SPOCK3: variants seen among roughly 807,000 people sequenced by gnomAD.
The protein encoded by SPOCK3 is SPARC (osteonectin), cwcv and kazal like domains proteoglycan 3, also known as testican-3.
Under a neutral mutation model 56.6 loss-of-function variants are expected in SPOCK3, and 30 were observed. That is an observed-to-expected ratio of 0.53 (90% CI 0.40 to 0.72). The LOEUF (loss-of-function observed/expected upper bound fraction) is 0.72, where lower values mean the gene tolerates loss of function less well. Among genes scored for constraint, SPOCK3 ranks in the 30% least tolerant of loss-of-function variants. SPOCK3 has a pLI of 0.00. For synonymous variants in SPOCK3, 196 were observed against 183.3 expected (o/e 1.07, Z -0.56); for missense variants, 527 against 530.0 (o/e 0.99, Z 0.06).
intron 6 of SPOCK3, among the ~76,000 whole-genome samples, chr4:166,866,676 A>C (rs1447762945): frequency 6.6e-6 from 1 of 152,164 alleles, no homozygotes; most frequent in African/African-American, 2.4e-5. Context: ...GTATTAACTT[A>C]TGATCAAACT....
At chr4:167,057,068 T>A (rs1754966664) in intron 3 of SPOCK3, among the ~76,000 whole-genome samples, 1 of 152,136 alleles carries the variant, frequency 6.6e-6, no homozygotes, top group African/African-American at 2.4e-5. Context: ...GGGAAGCCCA[T>A]CAGACTAACA....
chr4:166,936,484 G>C (rs889729642), intron 4 of SPOCK3, among the ~76,000 whole-genome samples: 3 of 151,994 alleles, frequency 2.0e-5, no homozygotes, highest in African/African-American at 4.8e-5. Flanking sequence ...TTAACCAAAA[G>C]TACCAAATCT....
rs2126328238 is a variant in SPOCK3 at position 166,734,212 on chromosome 4, C to G, written c.*709G>C. Reference sequence around the variant, plus strand: ...CAAACAAATCATGTTATTAAAGAATCTTTTAAAAAATCTGCATGAGACTGC... The same window carrying G: ...CAAACAAATCATGTTATTAAAGAATGTTTTAAAAAATCTGCATGAGACTGC... On this transcript the variant is annotated 3_prime_UTR_variant, in exon 11 of 11. Coordinates refer to ENST00000357545, the MANE Select transcript of SPOCK3 (RefSeq NM_001040159.2). The G allele has an allele frequency of 6.6e-6, 1 of 151,792 alleles. No individual in the cohort carries two copies. The highest frequency in any genetic ancestry group is 1.9e-4 in the East Asian group (1 of 5,190). The allele number at this position is 151,792 out of a possible 1,614,324, so 9.4% of individuals were successfully genotyped here.
chr4:166,948,861 C>G (rs964832819), intron 4 of SPOCK3, among the ~76,000 whole-genome samples: 10 of 151,926 alleles, frequency 6.6e-5, no homozygotes, highest in Admixed American at 5.9e-4. Context: ...GTGGCGTTCT[C>G]TGTATTTCCT....
intron 3 of SPOCK3, among the ~76,000 whole-genome samples, chr4:167,031,533 T>C (rs1467295950): frequency 6.6e-6 from 1 of 151,994 alleles, no homozygotes; most frequent in Non-Finnish European, 1.5e-5. Flanking sequence ...GGCACACTGT[T>C]AAGTGAACAG....
intron 6 of SPOCK3, among the ~76,000 whole-genome samples, chr4:166,821,445 A>G (rs1353945198): frequency 1.3e-5 from 2 of 152,122 alleles, no homozygotes; most frequent in Non-Finnish European, 2.9e-5. Flanking sequence ...CCACTGTTAG[A>G]GAAATGAAAA....
intron 6 of SPOCK3, among the ~76,000 whole-genome samples, chr4:166,840,798 A>G (rs944957190): frequency 3.0e-5 from 1 of 33,272 alleles, no homozygotes; most frequent in Admixed American, 3.3e-4. Flanking sequence ...TTTTTTTTTT[A>G]GATGCAGTCT....
intron 8 of SPOCK3, among the ~76,000 whole-genome samples, chr4:166,751,781 T>C (rs1291124047): frequency 6.6e-6 from 1 of 152,144 alleles, no homozygotes; most frequent in African/African-American, 2.4e-5. Flanking sequence ...AGACATACTT[T>C]TATGAAAGCA....
chr4:166,841,960 GA>G (rs1021770955), intron 6 of SPOCK3, among the ~76,000 whole-genome samples: 2 of 152,206 alleles, frequency 1.3e-5, no homozygotes, highest in Admixed American at 1.3e-4. Flanking sequence ...GACATGTTTG[GA>G]GTTTCTTCCT....
At chr4:167,013,980 G>A (rs1379798678) in intron 3 of SPOCK3, among the ~76,000 whole-genome samples, 2 of 152,168 alleles carry the variant, frequency 1.3e-5, no homozygotes, top group East Asian at 3.9e-4. Context: ...AGATGTGTAT[G>A]TAACTTTGAA....
intron 4 of SPOCK3, among the ~76,000 whole-genome samples, chr4:166,995,399 T>G (rs1349029714): frequency 1.3e-5 from 2 of 152,018 alleles, no homozygotes; most frequent in Non-Finnish European, 2.9e-5. Flanking sequence ...AGTAATTAAT[T>G]TTAAAAACTT....
chr4:167,201,906 C>T lies in SPOCK3; in HGVS notation c.189+32079G>A, dbSNP rs183347445. Among the ~76,000 whole-genome samples, 3 of 151,924 alleles carry T rather than the reference C, an allele frequency of 2.0e-5. No homozygotes were observed. In the East Asian group the frequency reaches 5.8e-4, roughly 29 times the overall value. ...GATTTATGTATGACTTCTTTTGGAG[C>T]AAATTTTTCAGTTTTATATATTGTT... On this transcript the variant is annotated intron_variant, in intron 2 of 10. Coordinates refer to ENST00000357545, the MANE Select transcript of SPOCK3 (RefSeq NM_001040159.2).
At chr4:167,003,458 C>T (rs987577722) in intron 3 of SPOCK3, among the ~76,000 whole-genome samples, 4 of 152,078 alleles carry the variant, frequency 2.6e-5, no homozygotes, top group Admixed American at 1.3e-4. Context: ...AATACAGATG[C>T]CTAAGATTTT....
intron 3 of SPOCK3, among the ~76,000 whole-genome samples, chr4:167,054,977 A>G (rs1190752224): frequency 1.4e-5 from 2 of 147,782 alleles, no homozygotes; most frequent in East Asian, 3.9e-4. Flanking sequence ...ATATTGATTA[A>G]CATTTTCATT....
intron 8 of SPOCK3, among the ~76,000 whole-genome samples, chr4:166,748,985 C>A (rs1736014241): frequency 7.3e-6 from 1 of 137,320 alleles, no homozygotes; most frequent in Non-Finnish European, 1.5e-5. Flanking sequence ...AGTCAGGAAA[C>A]AACAGGTGCT....
At chr4:166,940,535 G>A (rs2150014492) in intron 4 of SPOCK3, among the ~76,000 whole-genome samples, 2 of 152,030 alleles carry the variant, frequency 1.3e-5, no homozygotes, top group South Asian at 4.2e-4. Context: ...ATCTTCGGTA[G>A]AGACTTTCTC....
intron 2 of SPOCK3, among the ~76,000 whole-genome samples, chr4:167,144,869 T>C (rs1763812621): frequency 6.6e-6 from 1 of 151,902 alleles, no homozygotes; most frequent in Admixed American, 6.6e-5. Context: ...GAGCAGACAG[T>C]TGCTGAGCAA....
chr4:167,084,785 A>AT (rs1296310425), intron 2 of SPOCK3, among the ~76,000 whole-genome samples: 5 of 356 alleles, frequency 0.014, no homozygotes, highest in African/African-American at 0.026. Flanking sequence ...ATAACCATCA[A>AT]GAATAATATT....
At chr4:167,109,217 T>C (rs1156436484) in intron 2 of SPOCK3, among the ~76,000 whole-genome samples, 7 of 84,540 alleles carry the variant, frequency 8.3e-5, no homozygotes, top group African/African-American at 1.4e-4. Flanking sequence ...ATATATTATA[T>C]ATAGTATATA....
Sources: allele counts gnomAD v4.1 joint callset (sites outside exome capture counted in the v4.1 genomes callset), GRCh38; gene constraint gnomAD v4.1.1; transcripts MANE v1.5; gene names NCBI Gene and HGNC (gene_info 2026-07-23, HGNC 2026-07-21).